The following RUNX2 variants were observed in gnomAD, a reference collection of about 807,000 sequenced individuals.
RUNX2 encodes the protein RUNX family transcription factor 2.
In RUNX2, 10 loss-of-function variants were observed where a neutral mutation model predicts 51.7. The observed-to-expected ratio is 0.19, with a 90% CI of 0.12 to 0.33. RUNX2 has a LOEUF of 0.33. Ranked by LOEUF, RUNX2 falls within the 10% of genes least tolerant of loss-of-function variation. The probability of loss-of-function intolerance (pLI) is 1.00; values close to 1 mark genes in which losing one functional copy is unlikely to be tolerated. For synonymous variants in RUNX2, 276 were observed against 273.6 expected, an observed-to-expected ratio of 1.01 and a Z score of -0.09; for missense variants, 562 against 691.3, an observed-to-expected ratio of 0.81 and a Z score of 2.10.
intron 6 of RUNX2, among the ~76,000 whole-genome samples, chr6:45,500,982 G>A (rs2150412989): frequency 1.3e-5 from 2 of 152,336 alleles, no homozygotes; most frequent in Middle Eastern, 6.8e-3. Flanking sequence ...GAGTGGAAGG[G>A]TTAAGAGGGA....
intron 7 of RUNX2, among the ~76,000 whole-genome samples, chr6:45,534,920 A>G (rs1339448456): frequency 6.6e-6 from 1 of 152,242 alleles, no homozygotes; most frequent in African/African-American, 2.4e-5. Flanking sequence ...GCCATAAAAA[A>G]GAAAGATCAT....
intron 2 of RUNX2, among the ~76,000 whole-genome samples, chr6:45,362,205 C>G (rs754705685): frequency 2.0e-5 from 3 of 152,190 alleles, no homozygotes; most frequent in Non-Finnish European, 4.4e-5. Context: ...CAGATCATGA[C>G]TATTTCATTT....
intron 7 of RUNX2, among the ~76,000 whole-genome samples, chr6:45,530,457 T>C (rs1165539325): frequency 1.3e-5 from 2 of 152,218 alleles, no homozygotes; most frequent in African/African-American, 4.8e-5. Flanking sequence ...AAGAGATTGG[T>C]ACAAGTACAA....
At chr6:45,345,890 T>C (rs924792970) in intron 2 of RUNX2, among the ~76,000 whole-genome samples, 15 of 152,206 alleles carry the variant, frequency 9.9e-5, no homozygotes, top group African/African-American at 3.6e-4. Flanking sequence ...AGTTTCTCTC[T>C]AGACACAGTA....
chr6:45,503,027 C>T (rs1372452084), intron 6 of RUNX2, among the ~76,000 whole-genome samples: 1 of 152,140 alleles, frequency 6.6e-6, no homozygotes, highest in East Asian at 1.9e-4. Flanking sequence ...GGCCTAAAGC[C>T]CTCTTAACCT....
chr6:45,474,643 C>T (rs942992931), intron 5 of RUNX2, among the ~76,000 whole-genome samples: 8 of 151,894 alleles, frequency 5.3e-5, no homozygotes, highest in South Asian at 2.1e-4. Flanking sequence ...ATCAGACTCT[C>T]GGGGAGTACT....
intron 5 of RUNX2, among the ~76,000 whole-genome samples, chr6:45,487,308 C>G (rs1228365214): frequency 6.6e-6 from 1 of 152,172 alleles, no homozygotes; most frequent in Non-Finnish European, 1.5e-5. Flanking sequence ...CTGGTCCTGC[C>G]ACTAACTATA....
intron 2 of RUNX2, among the ~76,000 whole-genome samples, chr6:45,419,565 A>G (rs1798134336): frequency 6.6e-6 from 1 of 152,242 alleles, no homozygotes; most frequent in African/African-American, 2.4e-5. Flanking sequence ...CAATGGATGC[A>G]GTCTCTCTCT....
At chr6:45,391,276 GC>G in intron 2 of RUNX2, among the ~76,000 whole-genome samples, 1 of 152,142 alleles carries the variant, frequency 6.6e-6, no homozygotes, top group Non-Finnish European at 1.5e-5. Context: ...GTAAAAGTGA[GC>G]TCTTGCTGTT....
At chr6:45,436,599 A>T (rs935316225) in intron 4 of RUNX2, among the ~76,000 whole-genome samples, 4 of 152,162 alleles carry the variant, frequency 2.6e-5, no homozygotes, top group Admixed American at 2.0e-4. Context: ...ATAGCCAAGG[A>T]GACTTAAAAC....
chr6:45,377,287 C>G (rs575833199), intron 2 of RUNX2: 1 of 152,348 alleles, frequency 6.6e-6, no homozygotes, highest in South Asian at 2.1e-4. Context: ...ATAATTTCCC[C>G]AGGGGTCACA....
intron 3 of RUNX2, among the ~76,000 whole-genome samples, chr6:45,431,384 G>A (rs1798537891): frequency 6.6e-6 from 1 of 152,156 alleles, no homozygotes; most frequent in Non-Finnish European, 1.5e-5. Flanking sequence ...GTAGTGAGGA[G>A]CCCCAGGGTT....
At chr6:45,467,773 T>C (rs1014458039) in intron 5 of RUNX2, among the ~76,000 whole-genome samples, 2 of 152,194 alleles carry the variant, frequency 1.3e-5, no homozygotes, top group Admixed American at 6.5e-5. Flanking sequence ...TCTTTATCTT[T>C]CATTCTAGCC....
At chr6:45,340,335 C>G (rs1789496080) in intron 2 of RUNX2, among the ~76,000 whole-genome samples, 1 of 151,938 alleles carries the variant, frequency 6.6e-6, no homozygotes. Context: ...AAGCCCCCTT[C>G]CCCCTCAAGA....
intron 6 of RUNX2, among the ~76,000 whole-genome samples, chr6:45,493,598 C>G (rs188378272): frequency 6.6e-6 from 1 of 151,904 alleles, no homozygotes; most frequent in Non-Finnish European, 1.5e-5. Context: ...GACTTCACCT[C>G]TATGCACTAT....
intron 2 of RUNX2, among the ~76,000 whole-genome samples, chr6:45,339,298 G>GT (rs1789277054): frequency 1.3e-5 from 2 of 152,166 alleles, no homozygotes; most frequent in Non-Finnish European, 2.9e-5. Context: ...AGAGCAGCTT[G>GT]TGGAGAGAAA....
intron 3 of RUNX2, 148 bp downstream of exon 3, chr6:45,423,105 C>T (rs1391808282): frequency 1.4e-6 from 1 of 705,908 alleles, no homozygotes; most frequent in Non-Finnish European, 2.2e-6. Context: ...GCCGGGCCTC[C>T]CTCCGGATGC....
At chr6:45,354,555 GGAT>G (rs1792745890) in intron 2 of RUNX2, among the ~76,000 whole-genome samples, 1 of 151,850 alleles carries the variant, frequency 6.6e-6, no homozygotes, top group Non-Finnish European at 1.5e-5. Flanking sequence ...CAGTTTCCTT[GGAT>G]AATAAGGGGC....
At chr6:45,473,158 G>A (rs542421496) in intron 5 of RUNX2, among the ~76,000 whole-genome samples, 1 of 152,282 alleles carries the variant, frequency 6.6e-6, no homozygotes, top group South Asian at 2.1e-4. Context: ...TTGCGCTGAA[G>A]GGATTTTATT....
Sources: gnomAD v4.1 joint callset for allele counts (sites outside exome capture counted in the v4.1 genomes callset) on GRCh38, gnomAD v4.1.1 for gene constraint, MANE v1.5 for transcripts, NCBI Gene and HGNC (gene_info 2026-07-23, HGNC 2026-07-21) for gene names.